The following SPRY3 variants were observed in gnomAD, a reference collection of about 807,000 sequenced individuals.
The protein encoded by SPRY3 is protein sprouty homolog 3.
SPRY3 carries 15 observed loss-of-function variants against 20.2 expected under a neutral mutation model. The observed-to-expected ratio is 0.74, with a 90% confidence interval of 0.50 to 1.14. SPRY3 has a LOEUF of 1.14. SPRY3 is among the 50% of genes most tolerant of loss of function. The pLI is 0.00. For synonymous variants in SPRY3, 143 were observed against 136.5 expected (o/e 1.05, Z -0.33); for missense variants, 364 against 363.9 (o/e 1.00, Z 0.00).
At position 155,649,511 on chromosome X, in the gene SPRY3, A is replaced by G. The variant is rs188306167; in HGVS notation, c.-440-7356A>G. On this transcript the variant is annotated intron_variant, in intron 1 of 3. Coordinates refer to ENST00000675360, the Ensembl canonical transcript of SPRY3. ...ATCCATCACATAAACAGAACCAATT[A>G]CAAAAACCACATGATTATCTCAATA... is the stretch of plus-strand genomic sequence containing the variant. Among the ~76,000 whole-genome samples, 3 of 111,976 alleles carry G rather than the reference A, an allele frequency of 2.7e-5. No homozygotes were observed. The Admixed American group carries it at 2.8e-4, about 11-fold the overall frequency.
intron 1 of SPRY3, among the ~76,000 whole-genome samples, chrX:155,643,904 T>C (rs2067949850): frequency 1.8e-5 from 2 of 112,061 alleles, no homozygotes; most frequent in Admixed American, 9.5e-5. Flanking sequence ...AGGACTTGTT[T>C]ACATACCACA....
Position 155,616,843 on chromosome X carries a change from G to A in SPRY3, c.-441+4196G>A, listed in dbSNP as rs142315047. On this transcript the variant is annotated intron_variant, in intron 1 of 3. Transcript: ENST00000675360. ...ACAACAGTTCAGGGCAAACTAGGAT[G>A]CTTAGTTATTTTATTAGTACCCATG... Among the ~76,000 whole-genome samples the A allele has an allele frequency of 3.9e-3, 429 of 110,824 alleles. 4 individuals carry two copies. The highest frequency in any genetic ancestry group is 0.013 in the African/African-American group (409 of 30,514).
chrX:155,639,875 G>A (rs2067935546), intron 1 of SPRY3, among the ~76,000 whole-genome samples: 1 of 111,867 alleles, frequency 8.9e-6, no homozygotes, highest in Non-Finnish European at 1.9e-5. Context: ...ACTAACATTT[G>A]TTATCTTTGG....
chrX:155,688,177 C>A (rs766168102), intron 2 of SPRY3, among the ~76,000 whole-genome samples: 27 of 109,262 alleles, frequency 2.5e-4, no homozygotes, highest in Non-Finnish European at 4.9e-4. Flanking sequence ...AGGATAATGG[C>A]TTCCCACTCC....
chrX:155,681,678 T>C (rs1421761408), intron 2 of SPRY3, among the ~76,000 whole-genome samples: 1 of 112,359 alleles, frequency 8.9e-6, no homozygotes, highest in Non-Finnish European at 1.9e-5. Flanking sequence ...GAGGTAACCT[T>C]ATATTACTCA....
chrX:155,640,776 G>T (rs1557351335), intron 1 of SPRY3, among the ~76,000 whole-genome samples: 1 of 111,752 alleles, frequency 8.9e-6, no homozygotes. Context: ...TGTTGATATT[G>T]TATCCTGAAA....
At chrX:155,715,309 G>A (rs1178956060) in intron 2 of SPRY3, among the ~76,000 whole-genome samples, 1 of 152,104 alleles carries the variant, frequency 6.6e-6, no homozygotes, top group Non-Finnish European at 1.5e-5. Context: ...TGCCAGGACT[G>A]GGTCCTTCCC....
intron 2 of SPRY3, among the ~76,000 whole-genome samples, chrX:155,751,546 T>C (rs1279487713): frequency 1.3e-5 from 2 of 151,930 alleles, no homozygotes; most frequent in Admixed American, 6.6e-5. Flanking sequence ...TATTCCTACA[T>C]TGTAGTTTCA....
intron 2 of SPRY3, among the ~76,000 whole-genome samples, chrX:155,759,840 G>C (rs1224184125): frequency 6.6e-6 from 1 of 152,152 alleles, no homozygotes; most frequent in Non-Finnish European, 1.5e-5. Context: ...AGAGAAGTAA[G>C]TAAGCCATTT....
exon 4 of SPRY3, chrX:155,773,892 T>A (rs1377993378): frequency 6.2e-7 from 1 of 1,613,782 alleles, no homozygotes; most frequent in Non-Finnish European, 8.5e-7. Flanking sequence ...CGGTGACAGA[T>A]GATTTTCAAC....
chrX:155,672,113 T>C (rs2068042640), intron 2 of SPRY3, among the ~76,000 whole-genome samples: 1 of 111,841 alleles, frequency 8.9e-6, no homozygotes, highest in South Asian at 3.7e-4. Context: ...TGGCTTAGGA[T>C]TGACTTGGCA....
At chrX:155,708,308 AT>A (rs1374171269) in intron 2 of SPRY3, among the ~76,000 whole-genome samples, 3 of 151,244 alleles carry the variant, frequency 2.0e-5, no homozygotes, top group Non-Finnish European at 3.0e-5. Flanking sequence ...TGCTCAACAG[AT>A]TTTTTTCTCT....
intron 2 of SPRY3, among the ~76,000 whole-genome samples, chrX:155,723,184 G>A (rs1417807040): frequency 1.3e-5 from 2 of 152,044 alleles, no homozygotes; most frequent in African/African-American, 4.8e-5. Flanking sequence ...GTCTATCATT[G>A]ATGGACATTT....
intron 2 of SPRY3, among the ~76,000 whole-genome samples, chrX:155,703,986 T>G (rs1273635065): frequency 3.9e-5 from 6 of 151,912 alleles, no homozygotes; most frequent in Non-Finnish European, 7.4e-5. Context: ...CTACTAACTG[T>G]AATAATGCAA....
chrX:155,623,587 T>C (rs1243714823), intron 1 of SPRY3, among the ~76,000 whole-genome samples: 1 of 112,187 alleles, frequency 8.9e-6, no homozygotes, highest in Admixed American at 9.4e-5. Context: ...TGTATTCACC[T>C]GTTACCAGTT....
exon 4 of SPRY3, chrX:155,774,470 C>T (rs1187932929): frequency 1.2e-6 from 2 of 1,613,898 alleles, no homozygotes; most frequent in African/African-American, 1.3e-5. Flanking sequence ...CACTGCTCCA[C>T]TGATGATGAA....
rs1424598315 is a variant in SPRY3 at position 155,774,749 on chromosome X, A to G, written c.*11A>G. 1 of 1,600,610 alleles carries G rather than the reference A, an allele frequency of 6.2e-7. No homozygotes were observed. Among genetic ancestry groups the G allele is most frequent in the Admixed American group, 1.7e-5 (1 of 59,280 alleles). Reference sequence around the variant, plus strand: ...GAAAAGTCTGTATGACCTTCCAACAAGGTGGATCCAGAGCTTTTCTCCTTC... The same window carrying G: ...GAAAAGTCTGTATGACCTTCCAACAGGGTGGATCCAGAGCTTTTCTCCTTC... On this transcript the variant is annotated 3_prime_UTR_variant, in exon 4 of 4. Transcript: ENST00000675360.
chrX:155,614,557 T>A (rs1201592379), intron 1 of SPRY3, among the ~76,000 whole-genome samples: 2 of 111,485 alleles, frequency 1.8e-5, no homozygotes, highest in Non-Finnish European at 3.8e-5. Context: ...ATGATATTAT[T>A]TCTACTTTAA....
At chrX:155,768,436 T>C (rs145347644) in intron 3 of SPRY3, among the ~76,000 whole-genome samples, 13,316 of 152,132 alleles carry the variant, frequency 0.088, 695 homozygotes, top group Admixed American at 0.12. Context: ...TTTAAATGCA[T>C]TTTGGTACTT....
Sources: gnomAD v4.1 joint callset for allele counts (sites outside exome capture counted in the v4.1 genomes callset) on GRCh38, gnomAD v4.1.1 for gene constraint, MANE v1.5 for transcripts, NCBI Gene and HGNC (gene_info 2026-07-23, HGNC 2026-07-21) for gene names.